Variants in ZNF546 observed in about 807,000 individuals in gnomAD.
ZNF546 encodes CTC-471F3.6.
ZNF546 carries 60 observed loss-of-function variants against 76.2 expected under a neutral mutation model. That is an observed-to-expected ratio of 0.79 (90% CI 0.64 to 0.98). ZNF546 has a LOEUF of 0.98. Ranked by LOEUF, ZNF546 falls within the 50% of genes least tolerant of loss-of-function variation. The pLI is 0.00. For missense variants in ZNF546, 936 were observed against 1,035.6 expected (o/e 0.90, Z 1.32); for synonymous variants, 277 against 328.1 (o/e 0.84, Z 1.68).
In ZNF546 at chr19:40,015,756, G is replaced by T; in HGVS notation, c.2486G>T (p.Ser829Ile). The T allele has an allele frequency of 6.2e-7, 1 of 1,612,678 alleles. No homozygotes were observed. The highest frequency in any genetic ancestry group is 2.2e-5 in the East Asian group (1 of 44,846). The stretch of plus-strand genomic sequence containing the variant: ...ACTTTACATCAGAGAAATCATATTA[G>T]TGAGGAAGTCCTATGCATAATGTAA... ...QLTLHQRNHI[S>I]EEVLCIM Residue 829 changes from serine to isoleucine, a missense_variant, in exon 7 of 7, where the codon AGT becomes ATT. Transcript: ENST00000347077.
intron 3 of ZNF546, among the ~76,000 whole-genome samples, chr19:40,005,689 C>CA (rs767589624): frequency 0.013 from 1,590 of 126,576 alleles, 21 homozygotes; most frequent in African/African-American, 0.036. Context: ...ACCCTGTCTC[C>CA]AAAAAAAAAA....
rs1049346996 is a variant in ZNF546, at chr19:40,019,871, C to T, written c.*4090C>T. 3.3e-5 allele frequency: 5 copies of T among 152,162 alleles called. No homozygotes were observed. The highest frequency in any genetic ancestry group is 1.2e-4 in the African/African-American group (5 of 41,446). The allele number at this position is 152,162 out of a possible 1,614,324, so 9.4% of individuals were successfully genotyped here. A position where few individuals can be genotyped will look rare whatever the true frequency, so the allele number is the denominator to read the frequency against. On this transcript the variant is annotated 3_prime_UTR_variant, in exon 7 of 7. Transcript: ENST00000347077. Reference sequence around the variant, plus strand: ...GATCCAGTCCAAGTATCTTCAAGATCCATGTTCTCAGTTTTTCTTAGCTTT... The same window carrying T: ...GATCCAGTCCAAGTATCTTCAAGATTCATGTTCTCAGTTTTTCTTAGCTTT...
intron 2 of ZNF546, 111 bp downstream of exon 2, chr19:39,998,026 C>A: frequency 2.5e-6 from 1 of 395,892 alleles, no homozygotes; most frequent in Non-Finnish European, 4.7e-6. Context: ...CTATGTCAAG[C>A]ACAGCCACAA....
In ZNF546 at chr19:40,020,196, C is replaced by G. The variant is rs1474169683; in HGVS notation, c.*4415C>G. On this transcript the variant is annotated 3_prime_UTR_variant, in exon 7 of 7. Coordinates refer to ENST00000347077, the MANE Select transcript of ZNF546 (RefSeq NM_178544.5). ...AACTCATTTCTTTAAGACTACCATA[C>G]TACCACTTTCCTCAACTTGGACTAA... 3 of 152,292 alleles carry G rather than the reference C, an allele frequency of 2.0e-5. No individual in the cohort carries two copies. The South Asian group carries it at 6.2e-4, about 32-fold the overall frequency. The allele number at this position is 152,292 out of a possible 1,614,324, so 9.4% of individuals were successfully genotyped here. A position where few individuals can be genotyped will look rare whatever the true frequency, so the allele number is the denominator to read the frequency against.
At position 40,015,910 on chromosome 19, in the gene ZNF546, G is replaced by A. The variant is rs374322993; in HGVS notation, c.*129G>A. The A allele has an allele frequency of 1.1e-4, 95 of 865,140 alleles. No individual in the cohort carries two copies. In the African/African-American group the frequency reaches 1.3e-3, roughly 11 times the overall value. 53.6% of individuals were successfully genotyped at this position (865,140 alleles called of 1,614,324 possible). Reference sequence around the variant, plus strand: ...CTCACAATTTATCAGAAATTATTTCGTATGTTAAAGAGTCGAAAGACTATA... The same window carrying A: ...CTCACAATTTATCAGAAATTATTTCATATGTTAAAGAGTCGAAAGACTATA... On this transcript the variant is annotated 3_prime_UTR_variant, in exon 7 of 7. Coordinates refer to ENST00000347077, the MANE Select transcript of ZNF546 (RefSeq NM_178544.5).
chr19:40,004,500 C>G (rs1477515983), intron 3 of ZNF546, among the ~76,000 whole-genome samples: 2 of 152,100 alleles, frequency 1.3e-5, no homozygotes, highest in Non-Finnish European at 2.9e-5. Context: ...CACTCCTAAC[C>G]TCAGGTGATC....
rs772277880 is a variant in ZNF546, at chr19:40,019,546, G to A, written c.*3765G>A. Reference sequence around the variant, plus strand: ...ACAGCATTGTGAATGAGAATTGGATGTAAGTACAGATGGAGGAGATATTTT... The same window carrying A: ...ACAGCATTGTGAATGAGAATTGGATATAAGTACAGATGGAGGAGATATTTT... On this transcript the variant is annotated 3_prime_UTR_variant, in exon 7 of 7. Transcript: ENST00000347077. 4.6e-5 allele frequency: 7 copies of A among 152,196 alleles called. No individual in the cohort carries two copies. Among genetic ancestry groups the A allele is most frequent in the Non-Finnish European group, 7.4e-5 (5 of 68,024 alleles). The allele number at this position is 152,196 out of a possible 1,614,324, so 9.4% of individuals were successfully genotyped here.
At chr19:40,001,208 CCTT>C (rs1006997725) in intron 3 of ZNF546, among the ~76,000 whole-genome samples, 26 of 152,258 alleles carry the variant, frequency 1.7e-4, no homozygotes, top group African/African-American at 6.0e-4. Flanking sequence ...CTGCTGCTCA[CCTT>C]CTGCTGTGTG....
rs1274497800 is a variant in ZNF546 at position 40,019,455 on chromosome 19, T to A, written c.*3674T>A. The stretch of plus-strand genomic sequence containing the variant: ...TGAATTTGAAAATAAAATAGACTTA[T>A]TAAGGCTTTGTGAAAAAATATTAAT... On this transcript the variant is annotated 3_prime_UTR_variant, in exon 7 of 7. Transcript: ENST00000347077. 1 of 152,194 alleles carries A rather than the reference T, an allele frequency of 6.6e-6. No individual in the cohort carries two copies. Among genetic ancestry groups the A allele is most frequent in the African/African-American group, 2.4e-5 (1 of 41,458 alleles). The allele number at this position is 152,194 out of a possible 1,614,324, so 9.4% of individuals were successfully genotyped here. A position where few individuals can be genotyped will look rare whatever the true frequency, so the allele number is the denominator to read the frequency against.
chr19:40,012,176 CAG>C (rs1216684871), intron 6 of ZNF546, among the ~76,000 whole-genome samples: 1 of 152,014 alleles, frequency 6.6e-6, no homozygotes, highest in East Asian at 1.9e-4. Context: ...TGAGTTGGGA[CAG>C]AGACAAAGAG....
rs939667261 is a variant in ZNF546 at position 40,018,605 on chromosome 19, C to CTG, written c.*2828_*2829dup. ...TCCTTTTGAATCTGGCCAGGTGGGC[C>CTG]TGTGTTTATGGCAGGAATAACACTG... On this transcript the variant is annotated 3_prime_UTR_variant, in exon 7 of 7. Coordinates refer to ENST00000347077, the MANE Select transcript of ZNF546 (RefSeq NM_178544.5). The CTG allele has an allele frequency of 6.6e-6, 1 of 152,182 alleles. No individual in the cohort carries two copies. Among genetic ancestry groups the CTG allele is most frequent in the African/African-American group, 2.4e-5 (1 of 41,432 alleles). 9.4% of individuals were successfully genotyped at this position (152,182 alleles called of 1,614,324 possible). A position where few individuals can be genotyped will look rare whatever the true frequency, so the allele number is the denominator to read the frequency against.
chr19:40,012,815 TC>T (rs1971689012), intron 6 of ZNF546, among the ~76,000 whole-genome samples: 2 of 151,464 alleles, frequency 1.3e-5, no homozygotes, highest in South Asian at 4.2e-4. Flanking sequence ...ATTTTACCAT[TC>T]TTTTTTTTTT....
At chr19:40,006,898 G>A (rs959738244) in intron 4 of ZNF546, among the ~76,000 whole-genome samples, 6 of 152,232 alleles carry the variant, frequency 3.9e-5, no homozygotes, top group East Asian at 1.9e-4. Flanking sequence ...GAGTTTTAAC[G>A]AAATCACGTA....
rs1406274114 is a variant in ZNF546 at position 40,017,007 on chromosome 19, TA to T, written c.*1227del. On this transcript the variant is annotated 3_prime_UTR_variant, in exon 7 of 7. Coordinates refer to ENST00000347077, the MANE Select transcript of ZNF546 (RefSeq NM_178544.5). ...AGCATTTTATCAATAAATATTGCTT[TA>T]TTTTTTTCATTGGGGATACATTTAG... 1.3e-5 allele frequency: 2 copies of T among 152,198 alleles called. No homozygotes were observed. Among genetic ancestry groups the T allele is most frequent in the Non-Finnish European group, 2.9e-5 (2 of 68,038 alleles). The allele number at this position is 152,198 out of a possible 1,614,324, so 9.4% of individuals were successfully genotyped here. A position where few individuals can be genotyped will look rare whatever the true frequency, so the allele number is the denominator to read the frequency against.
chr19:40,007,198 CTTCT>C, intron 4 of ZNF546, 72 bp from the exon 5 acceptor site: 1 of 1,238,910 alleles, frequency 8.1e-7, no homozygotes, highest in Non-Finnish European at 1.1e-6. Flanking sequence ...TACTATGTTG[CTTCT>C]TTCCTGCAAA....
intron 1 of ZNF546, 117 bp downstream of exon 1, chr19:39,997,274 G>T: frequency 6.5e-6 from 1 of 152,828 alleles, no homozygotes; most frequent in Non-Finnish European, 1.5e-5. Context: ...AGGCCTGTGC[G>T]TGCTTGGGGA....
rs373977845 is a variant in ZNF546 at position 40,015,265 on chromosome 19, C to T, written c.1995C>T (p.Tyr665=). ...GAATTCATACTGGTGAGAAACCCTA[C>T]GAATGTACGGAATGTGGGAAGACGT... is the stretch of plus-strand genomic sequence containing the variant. ...HHRIHTGEKP[Y]ECTECGKTFS... Residue 665 remains tyrosine, a synonymous_variant, in exon 7 of 7, where the codon TAC becomes TAT. Coordinates refer to ENST00000347077, the MANE Select transcript of ZNF546 (RefSeq NM_178544.5). 2.5e-5 allele frequency: 41 copies of T among 1,612,220 alleles called. No individual in the cohort carries two copies. The highest frequency in any genetic ancestry group is 9.0e-5 in the East Asian group (4 of 44,662).
intron 3 of ZNF546, among the ~76,000 whole-genome samples, chr19:40,001,419 G>A (rs1971528497): frequency 2.0e-5 from 3 of 150,076 alleles, no homozygotes; most frequent in Admixed American, 1.3e-4. Context: ...CTGGAGTGCT[G>A]TGGCTCAATC....
intron 3 of ZNF546, among the ~76,000 whole-genome samples, chr19:40,002,983 A>G (rs1240845000): frequency 6.6e-6 from 1 of 151,098 alleles, no homozygotes; most frequent in Non-Finnish European, 1.5e-5. Flanking sequence ...TGCAGGCGTG[A>G]GCCGCCGTGC....
Sources: gnomAD v4.1 joint callset for allele counts (sites outside exome capture counted in the v4.1 genomes callset) on GRCh38, gnomAD v4.1.1 for gene constraint, MANE v1.5 for transcripts, NCBI Gene and HGNC (gene_info 2026-07-23, HGNC 2026-07-21) for gene names.